The following TFEC variants were observed in gnomAD, a reference collection of about 807,000 sequenced individuals.
TFEC encodes class E basic helix-loop-helix protein 34.
A neutral mutation model predicts 41.6 loss-of-function variants in TFEC; 31 were observed. That is an observed-to-expected ratio of 0.74 (90% confidence interval 0.56 to 1.01). TFEC has a LOEUF of 1.01. TFEC is among the 50% of genes least tolerant of loss of function. The pLI is 0.00. For missense variants in TFEC, 402 were observed against 404.1 expected (o/e 0.99, Z 0.04); for synonymous variants, 143 against 140.6 (o/e 1.02, Z -0.12).
chr7:115,951,989 G>T (rs1791970348), intron 5 of TFEC, among the ~76,000 whole-genome samples: 1 of 151,976 alleles, frequency 6.6e-6, no homozygotes, highest in African/African-American at 2.4e-5. Flanking sequence ...AGTAAAGGTA[G>T]AAAAGGATAT....
At chr7:116,014,003 C>T (rs1019921314) in intron 1 of TFEC, among the ~76,000 whole-genome samples, 8 of 152,030 alleles carry the variant, frequency 5.3e-5, no homozygotes, top group South Asian at 2.1e-4. Flanking sequence ...CTTTTAGGTG[C>T]TTTCTTCCAC....
rs1321461809 is a variant in TFEC, at chr7:116,095,297, T to G, written c.198+15411A>C. On this transcript the variant is annotated intron_variant, in intron 3 of 8. Coordinates refer to the TFEC transcript ENST00000484212. ...TATTGAAAACATAAAGCACTTCTAG[T>G]TATGCAACTATACTAATTGCAAAAA... Among the ~76,000 whole-genome samples, 7 of 152,344 alleles carry G rather than the reference T, an allele frequency of 4.6e-5. No individual in the cohort carries two copies. The East Asian group carries it at 1.3e-3, about 29-fold the overall frequency.
intron 1 of TFEC, among the ~76,000 whole-genome samples, chr7:116,133,495 C>G (rs554509263): frequency 1.3e-5 from 2 of 151,756 alleles, no homozygotes; most frequent in African/African-American, 4.8e-5. Flanking sequence ...GAGATCACGC[C>G]CCTGCACTCC....
At chr7:116,115,026 T>G (rs936315780) in intron 1 of TFEC, among the ~76,000 whole-genome samples, 3 of 151,926 alleles carry the variant, frequency 2.0e-5, no homozygotes, top group Non-Finnish European at 4.4e-5. Flanking sequence ...GTAAGGTAGA[T>G]CTAATGTCAG....
At chr7:116,155,548 T>G (rs1336000188) in intron 1 of TFEC, among the ~76,000 whole-genome samples, 9 of 151,756 alleles carry the variant, frequency 5.9e-5, no homozygotes, top group South Asian at 2.1e-4. Flanking sequence ...TTCTACCAAC[T>G]CTGATGTCTT....
At chr7:116,063,907 G>A (rs929136207) in intron 3 of TFEC, among the ~76,000 whole-genome samples, 9 of 152,084 alleles carry the variant, frequency 5.9e-5, no homozygotes, top group African/African-American at 2.2e-4. Flanking sequence ...ATGAACATGG[G>A]AGTGCAGATA....
intron 1 of TFEC, among the ~76,000 whole-genome samples, chr7:116,019,204 G>A (rs1191709069): frequency 1.3e-5 from 2 of 149,984 alleles, no homozygotes; most frequent in Non-Finnish European, 3.0e-5. Context: ...CCTGGGCCTA[G>A]GAAACAAGGC....
intron 1 of TFEC, among the ~76,000 whole-genome samples, chr7:115,998,554 A>G (rs1794459262): frequency 6.6e-6 from 1 of 152,026 alleles, no homozygotes; most frequent in African/African-American, 2.4e-5. Context: ...TAAGTAAAAA[A>G]AAACACACAA....
At chr7:116,104,251 A>C (rs995836097) in intron 3 of TFEC, among the ~76,000 whole-genome samples, 1 of 151,872 alleles carries the variant, frequency 6.6e-6, no homozygotes, top group Non-Finnish European at 1.5e-5. Flanking sequence ...AGAACAGGTG[A>C]CTCCCACTCT....
At chr7:116,088,810 C>T (rs905410813) in intron 3 of TFEC, among the ~76,000 whole-genome samples, 1 of 151,594 alleles carries the variant, frequency 6.6e-6, no homozygotes, top group South Asian at 2.1e-4. Flanking sequence ...ATAATATACC[C>T]GCAGAGCACA....
intron 3 of TFEC, among the ~76,000 whole-genome samples, chr7:116,086,294 C>T (rs147634517): frequency 3.3e-5 from 5 of 151,934 alleles, no homozygotes; most frequent in African/African-American, 1.2e-4. Flanking sequence ...AATATTCATC[C>T]CTGTCTGTTT....
intron 1 of TFEC, among the ~76,000 whole-genome samples, chr7:116,124,754 C>T (rs1314642203): frequency 6.6e-6 from 1 of 151,966 alleles, no homozygotes; most frequent in Non-Finnish European, 1.5e-5. Context: ...AAATTTTCCC[C>T]CAATTTTTCA....
At chr7:116,044,465 T>C (rs574006715) in intron 3 of TFEC, among the ~76,000 whole-genome samples, 3 of 152,362 alleles carry the variant, frequency 2.0e-5, no homozygotes, top group African/African-American at 7.2e-5. Context: ...CACAGTGTTA[T>C]AGACACAAGA....
intron 1 of TFEC, among the ~76,000 whole-genome samples, chr7:116,029,904 C>T (rs1368519891): frequency 6.8e-6 from 1 of 146,684 alleles, no homozygotes; most frequent in African/African-American, 2.5e-5. Context: ...ACTAAAGATA[C>T]AAAAAAAAAA....
At position 115,938,751 on chromosome 7, in the gene TFEC, C is replaced by T. The variant is rs1430199032; in HGVS notation, c.*1800G>A. ...TATTCATGAAAGATTACATCTCACT[C>T]ATTAGTAATATATATTTTAGTTTTT... On this transcript the variant is annotated 3_prime_UTR_variant, in exon 8 of 8. Coordinates refer to ENST00000265440, the MANE Select transcript of TFEC (RefSeq NM_012252.4). 6.6e-6 allele frequency: 1 copy of T among 151,854 alleles called. No individual in the cohort carries two copies. The highest frequency in any genetic ancestry group is 1.5e-5 in the Non-Finnish European group (1 of 67,888). 9.4% of individuals were successfully genotyped at this position (151,854 alleles called of 1,614,324 possible). A position where few individuals can be genotyped will look rare whatever the true frequency, so the allele number is the denominator to read the frequency against.
chr7:116,039,181 C>G (rs539082176), intron 3 of TFEC, among the ~76,000 whole-genome samples: 2 of 151,986 alleles, frequency 1.3e-5, no homozygotes, highest in Non-Finnish European at 2.9e-5. Flanking sequence ...ATCAACTTTT[C>G]CCAGGAAATC....
At position 115,964,279 on chromosome 7, in the gene TFEC, A is replaced by C. The variant is rs111922054; in HGVS notation, c.268-7486T>G. Among the ~76,000 whole-genome samples, 845 of 151,724 alleles carry C rather than the reference A, an allele frequency of 5.6e-3. 9 individuals carry two copies. Among genetic ancestry groups the C allele is most frequent in the African/African-American group, 0.02 (816 of 41,494 alleles). On this transcript the variant is annotated intron_variant, in intron 3 of 7. Coordinates refer to ENST00000265440, the MANE Select transcript of TFEC (RefSeq NM_012252.4). The stretch of plus-strand genomic sequence containing the variant: ...TTTAAACATACTTCACAAAGAAAAA[A>C]TCTGAACTAGATACTTTTATGGGGA...
chr7:116,145,091 A>G (rs1013474487), intron 1 of TFEC, among the ~76,000 whole-genome samples: 2 of 152,124 alleles, frequency 1.3e-5, no homozygotes, highest in South Asian at 4.2e-4. Context: ...TATAACAATC[A>G]CCCCACCTTT....
chr7:115,959,111 TA>T (rs1408580884), intron 3 of TFEC, among the ~76,000 whole-genome samples: 2 of 151,864 alleles, frequency 1.3e-5, no homozygotes, highest in African/African-American at 4.8e-5. Context: ...AAGAAATATT[TA>T]TTATGATATT....
Sources: gnomAD v4.1 joint callset for allele counts (sites outside exome capture counted in the v4.1 genomes callset) on GRCh38, gnomAD v4.1.1 for gene constraint, MANE v1.5 for transcripts, NCBI Gene and HGNC (gene_info 2026-07-23, HGNC 2026-07-21) for gene names.